Variants in PCSK2 observed in about 807,000 individuals in gnomAD.
PCSK2 encodes neuroendocrine convertase 2.
Under a neutral mutation model 69.7 loss-of-function variants are expected in PCSK2, and 14 were observed. The observed-to-expected ratio is 0.20, with a 90% CI of 0.13 to 0.31. The LOEUF (loss-of-function observed/expected upper bound fraction) is 0.31, where lower values mean the gene tolerates loss of function less well. PCSK2 is among the 10% of genes least tolerant of loss of function. PCSK2 has a pLI of 1.00. For missense variants in PCSK2, 544 were observed against 842.5 expected (o/e 0.65, Z 4.39); for synonymous variants, 307 against 320.7 (o/e 0.96, Z 0.46).
At chr20:17,396,120 T>G (rs561398546) in intron 5 of PCSK2, among the ~76,000 whole-genome samples, 1 of 152,332 alleles carries the variant, frequency 6.6e-6, no homozygotes, top group South Asian at 2.1e-4. Flanking sequence ...AATTGACTTG[T>G]ACCTCATCAC....
chr20:17,260,113 TG>T, intron 1 of PCSK2, 126 bp from the exon 2 acceptor site: 1 of 679,206 alleles, frequency 1.5e-6, no homozygotes, highest in South Asian at 1.7e-5. Context: ...ACAGGAGGTT[TG>T]CCAGTGGTTT....
At chr20:17,315,949 GT>G (rs1364479224) in intron 2 of PCSK2, among the ~76,000 whole-genome samples, 1 of 152,228 alleles carries the variant, frequency 6.6e-6, no homozygotes, top group Non-Finnish European at 1.5e-5. Flanking sequence ...AAAATTAACT[GT>G]CCGGCCTTGC....
At chr20:17,374,724 CAG>C (rs2123240397) in intron 5 of PCSK2, among the ~76,000 whole-genome samples, 1 of 152,272 alleles carries the variant, frequency 6.6e-6, no homozygotes. Flanking sequence ...CTCTGGGAAA[CAG>C]TGTGGACCGA....
At chr20:17,292,498 TTGACTCAATATCACTTAC>T (rs1988731983) in intron 2 of PCSK2, among the ~76,000 whole-genome samples, 1 of 152,246 alleles carries the variant, frequency 6.6e-6, no homozygotes. Flanking sequence ...AGTTAGCTAA[TTGACTCAATATCACTTAC>T]TGATTAATTT....
chr20:17,253,581 T>C (rs574481032), intron 1 of PCSK2, among the ~76,000 whole-genome samples: 25 of 152,358 alleles, frequency 1.6e-4, no homozygotes, highest in African/African-American at 6.0e-4. Context: ...ATTGTACATA[T>C]ATATCATTTT....
At chr20:17,285,761 A>G (rs1218366817) in intron 2 of PCSK2, among the ~76,000 whole-genome samples, 1 of 152,210 alleles carries the variant, frequency 6.6e-6, no homozygotes, top group Non-Finnish European at 1.5e-5. Flanking sequence ...CTGTTAAGGA[A>G]TTAGGAGTGG....
intron 2 of PCSK2, among the ~76,000 whole-genome samples, chr20:17,326,491 A>G (rs1022253379): frequency 2.6e-5 from 4 of 152,226 alleles, no homozygotes; most frequent in Non-Finnish European, 5.9e-5. Flanking sequence ...TAATAATAAT[A>G]TATCAACATC....
chr20:17,422,487 A>C (rs2032155187), intron 6 of PCSK2, among the ~76,000 whole-genome samples: 1 of 152,238 alleles, frequency 6.6e-6, no homozygotes, highest in South Asian at 2.1e-4. Context: ...ATATCATATC[A>C]AATTAATATA....
chr20:17,295,245 C>CACACAA (rs1385039067), intron 2 of PCSK2, among the ~76,000 whole-genome samples: 2 of 149,040 alleles, frequency 1.3e-5, no homozygotes, highest in African/African-American at 5.0e-5. Context: ...CACACACACA[C>CACACAA]CTCTCTCAAG....
At chr20:17,383,401 A>C (rs1339511420) in intron 5 of PCSK2, among the ~76,000 whole-genome samples, 1 of 152,328 alleles carries the variant, frequency 6.6e-6, no homozygotes, top group Admixed American at 6.5e-5. Flanking sequence ...GAGAAATACT[A>C]TATTTCTTCA....
intron 5 of PCSK2, among the ~76,000 whole-genome samples, chr20:17,395,739 T>G (rs1024020440): frequency 6.6e-6 from 1 of 152,216 alleles, no homozygotes; most frequent in Admixed American, 6.5e-5. Context: ...TTATTATTCA[T>G]ATACCTGTCC....
intron 1 of PCSK2, among the ~76,000 whole-genome samples, chr20:17,254,501 G>T (rs1028410832): frequency 6.6e-6 from 1 of 152,056 alleles, no homozygotes; most frequent in Non-Finnish European, 1.5e-5. Flanking sequence ...AAAATCAATT[G>T]ACCATAAGTT....
intron 1 of PCSK2, among the ~76,000 whole-genome samples, chr20:17,239,675 T>C (rs911302492): frequency 5.3e-5 from 8 of 151,816 alleles, no homozygotes; most frequent in African/African-American, 1.9e-4. Flanking sequence ...AAGGAGAAGA[T>C]TATTAAGGTC....
At chr20:17,326,309 TTGTCAAAAC>T (rs1197019488) in intron 2 of PCSK2, among the ~76,000 whole-genome samples, 1 of 152,200 alleles carries the variant, frequency 6.6e-6, no homozygotes, top group Non-Finnish European at 1.5e-5. Context: ...GAGACAGTAC[TTGTCAAAAC>T]TGTCAAAGTC....
intron 5 of PCSK2, among the ~76,000 whole-genome samples, chr20:17,398,294 G>A (rs927866889): frequency 5.3e-5 from 8 of 152,146 alleles, no homozygotes; most frequent in Non-Finnish European, 7.3e-5. Flanking sequence ...GGAGGCCAAG[G>A]TGGGAGGGTC....
At chr20:17,228,599 G>A (rs902932918) in intron 1 of PCSK2, among the ~76,000 whole-genome samples, 4 of 152,186 alleles carry the variant, frequency 2.6e-5, no homozygotes, top group African/African-American at 9.7e-5. Context: ...ATCCCAGGAA[G>A]AGAGAGGAGT....
intron 2 of PCSK2, among the ~76,000 whole-genome samples, chr20:17,278,283 T>C (rs1040069733): frequency 6.6e-6 from 1 of 152,178 alleles, no homozygotes; most frequent in African/African-American, 2.4e-5. Context: ...ATGTTTATTA[T>C]GGCACTATTC....
rs17849060 is a variant in PCSK2, at chr20:17,483,492, G to C, written c.*1422G>C. 1 of 152,250 alleles carries C rather than the reference G, an allele frequency of 6.6e-6. No homozygotes were observed. Among genetic ancestry groups the C allele is most frequent in the East Asian group, 1.9e-4 (1 of 5,198 alleles). 9.4% of individuals were successfully genotyped at this position (152,250 alleles called of 1,614,324 possible). The stretch of plus-strand genomic sequence containing the variant: ...AGTCCCAATGCACATCCATTCCCAA[G>C]AAATGCTTTGTCTTCAGCCTCTCCA... On this transcript the variant is annotated 3_prime_UTR_variant, in exon 12 of 12. Transcript: ENST00000262545.
chr20:17,315,719 A>G (rs546310949), intron 2 of PCSK2, among the ~76,000 whole-genome samples: 24 of 152,334 alleles, frequency 1.6e-4, no homozygotes, highest in African/African-American at 5.3e-4. Context: ...AGTGAGAAAA[A>G]GAGAAGCCTG....
Sources: allele counts gnomAD v4.1 joint callset (sites outside exome capture counted in the v4.1 genomes callset), GRCh38; gene constraint gnomAD v4.1.1; transcripts MANE v1.5; gene names NCBI Gene and HGNC (gene_info 2026-07-23, HGNC 2026-07-21).